The following NR3C1 variants were observed in gnomAD, a reference collection of about 807,000 sequenced individuals.
NR3C1 encodes the protein glucocorticoid receptor.
NR3C1 carries 14 observed loss-of-function variants against 74.0 expected under a neutral mutation model. The ratio of observed to expected loss-of-function variants is 0.19; its 90% CI spans 0.12 to 0.30. The LOEUF is 0.30. Among genes scored for constraint, NR3C1 ranks in the 10% least tolerant of loss-of-function variants. NR3C1 has a pLI of 1.00. For missense variants in NR3C1, 695 were observed against 909.8 expected (o/e 0.76, Z 3.04); for synonymous variants, 308 against 332.5 (o/e 0.93, Z 0.80).
intron 6 of NR3C1, among the ~76,000 whole-genome samples, chr5:143,296,835 G>A (rs1817363728): frequency 6.6e-6 from 1 of 152,198 alleles, no homozygotes; most frequent in South Asian, 2.1e-4. Flanking sequence ...CCAGCACTTT[G>A]GGAGGCCAAA....
intron 2 of NR3C1, among the ~76,000 whole-genome samples, chr5:143,315,003 A>G (rs1348591189): frequency 2.0e-5 from 3 of 152,186 alleles, no homozygotes; most frequent in African/African-American, 7.2e-5. Flanking sequence ...GTCTCACCAC[A>G]AAGAGTGCAG....
In NR3C1 at chr5:143,310,226, A is replaced by AT; in HGVS notation, c.1352-14_1352-13insA. 1 of 1,563,764 alleles carries AT rather than the reference A, an allele frequency of 6.4e-7. No individual in the cohort carries two copies. Among genetic ancestry groups the AT allele is most frequent in the Non-Finnish European group, 8.8e-7 (1 of 1,135,606 alleles). Reference sequence around the variant, plus strand: ...TAATTGTGCTGTCCTATATGGAATAAAAGGCACTATTAAAGTTTCACAGGT... The same window carrying AT: ...TAATTGTGCTGTCCTATATGGAATAATAAGGCACTATTAAAGTTTCACAGGT... On this transcript the variant is annotated splice_polypyrimidine_tract_variant and intron_variant, in intron 3 of 8. Transcript: ENST00000394464.
At chr5:143,396,452 TAA>T (rs1368744221) in intron 2 of NR3C1, among the ~76,000 whole-genome samples, 1 of 151,608 alleles carries the variant, frequency 6.6e-6, no homozygotes, top group African/African-American at 2.4e-5. Flanking sequence ...AGGTAGGAAG[TAA>T]AGAAAGTATC....
chr5:143,284,300 ATCTTTCCTGCTC>A (rs1303206918), intron 7 of NR3C1, among the ~76,000 whole-genome samples: 58 of 152,252 alleles, frequency 3.8e-4, no homozygotes, highest in African/African-American at 1.3e-3. Context: ...CTCCTTGAGC[ATCTTTCCTGCTC>A]TTTTTCATTG....
chr5:143,414,192 T>C (rs1490096771), intron 1 of NR3C1, among the ~76,000 whole-genome samples: 2 of 152,188 alleles, frequency 1.3e-5, no homozygotes, highest in Non-Finnish European at 2.9e-5. Context: ...TTGGGCCTTT[T>C]TTGGGTGATG....
chr5:143,281,675 A>T lies in NR3C1; in HGVS notation c.*214T>A. 1 of 537,760 alleles carries T rather than the reference A, an allele frequency of 1.9e-6. No homozygotes were observed. Among genetic ancestry groups the T allele is most frequent in the Non-Finnish European group, 3.3e-6 (1 of 300,550 alleles). The allele number at this position is 537,760 out of a possible 1,614,324, so 33.3% of individuals were successfully genotyped here. A position where few individuals can be genotyped will look rare whatever the true frequency, so the allele number is the denominator to read the frequency against. ...TATTAACTAATAAATTTCACCATCT[A>T]CTCTCCCATCACTGAAAAGTGATGA... On this transcript the variant is annotated 3_prime_UTR_variant, in exon 9 of 9. Coordinates refer to ENST00000394464, the MANE Select transcript of NR3C1 (RefSeq NM_000176.3).
rs1420140894 is a variant in NR3C1, at chr5:143,381,007, T to A, written c.1184+18649A>T. Among the ~76,000 whole-genome samples, 4 of 152,270 alleles carry A rather than the reference T, an allele frequency of 2.6e-5. No individual in the cohort carries two copies. In the East Asian group the frequency reaches 7.7e-4, roughly 29 times the overall value. On this transcript the variant is annotated intron_variant, in intron 2 of 8. Transcript: ENST00000394464. ...CAAAATGGAATGGAAGAAGTCAAAT[T>A]ATTCTTGTTTGCAGACTGTATGATC...
Position 143,314,111 on chromosome 5 carries a change from T to C in NR3C1, c.1242A>G (p.Thr414=), listed in dbSNP as rs67902340. The C allele has an allele frequency of 7.8e-4, 1,260 of 1,613,800 alleles. 17 individuals are homozygous for C. In the East Asian group the frequency reaches 0.019, roughly 25 times the overall value. Residue 414 remains threonine (T), a synonymous_variant, in exon 3 of 9, where the codon ACA becomes ACG. Transcript: ENST00000394464. ...CCAGGCAGAGTTTGGGAGGTGGTCCTGTTGTTGCTGTTGAGGAGCTGGATG... is the reference window on the plus strand; with the variant it reads ...CCAGGCAGAGTTTGGGAGGTGGTCCCGTTGTTGCTGTTGAGGAGCTGGATG... The part of the protein sequence containing the change: ...SPPSSSSTAT[T]GPPPKLCLVC...
chr5:143,404,592 C>A, upstream of NR3C1: 1 of 892,382 alleles, frequency 1.1e-6, no homozygotes, highest in Non-Finnish European at 1.3e-6. Context: ...AAGTTCAACC[C>A]CCACCCCTCC....
chr5:143,433,469 TA>T (rs1339041648), intron 1 of NR3C1, among the ~76,000 whole-genome samples: 2 of 132,896 alleles, frequency 1.5e-5, no homozygotes, highest in East Asian at 2.1e-4. Context: ...TATATATATA[TA>T]TTTAATTTCA....
At chr5:143,326,618 A>G (rs1426959778) in intron 2 of NR3C1, among the ~76,000 whole-genome samples, 3 of 152,182 alleles carry the variant, frequency 2.0e-5, no homozygotes, top group Admixed American at 2.0e-4. Context: ...GTACATTGTT[A>G]TATGTCTGAC....
intron 2 of NR3C1, among the ~76,000 whole-genome samples, chr5:143,346,953 C>T (rs1420762518): frequency 6.6e-6 from 1 of 152,192 alleles, no homozygotes; most frequent in Non-Finnish European, 1.5e-5. Flanking sequence ...AAAGCAGCAA[C>T]ATGTGTGCTC....
exon 1 of NR3C1, chr5:143,434,535 C>T (rs1600697405): frequency 1.0e-6 from 1 of 985,366 alleles, no homozygotes; most frequent in African/African-American, 1.7e-5. Flanking sequence ...AACCTACCTT[C>T]CTTCTCAGAC....
At chr5:143,337,884 T>A (rs1328507074) in intron 2 of NR3C1, among the ~76,000 whole-genome samples, 1 of 152,226 alleles carries the variant, frequency 6.6e-6, no homozygotes, top group Non-Finnish European at 1.5e-5. Context: ...GGGCAGTGGT[T>A]ACCTCTGGGG....
intron 3 of NR3C1, among the ~76,000 whole-genome samples, chr5:143,311,095 A>G (rs1385446424): frequency 1.3e-5 from 2 of 152,224 alleles, no homozygotes; most frequent in Non-Finnish European, 1.5e-5. Flanking sequence ...CCAATGCCAA[A>G]TATCTGTACC....
intron 2 of NR3C1, among the ~76,000 whole-genome samples, chr5:143,373,366 T>G (rs1027794413): frequency 1.3e-5 from 2 of 148,440 alleles, no homozygotes; most frequent in Admixed American, 6.8e-5. Flanking sequence ...TTAAAAGGCT[T>G]AACAAAGATC....
At chr5:143,378,248 C>T (rs1835572504) in intron 2 of NR3C1, among the ~76,000 whole-genome samples, 1 of 151,990 alleles carries the variant, frequency 6.6e-6, no homozygotes, top group African/African-American at 2.4e-5. Context: ...GAGACCCTGT[C>T]TCTTAAAAAA....
intron 4 of NR3C1, among the ~76,000 whole-genome samples, chr5:143,307,029 T>A (rs1180964174): frequency 1.3e-5 from 2 of 151,860 alleles, no homozygotes; most frequent in African/African-American, 4.8e-5. Context: ...CCCGAGTAGC[T>A]GGGACTACAG....
chr5:143,403,931 C>T (rs1005328843), upstream of NR3C1: 20 of 984,342 alleles, frequency 2.0e-5, no homozygotes, highest in Non-Finnish European at 1.8e-5. Context: ...GCGCTTCGCC[C>T]CCCGCCCCCA....
Sources: allele counts gnomAD v4.1 joint callset (sites outside exome capture counted in the v4.1 genomes callset), GRCh38; gene constraint gnomAD v4.1.1; transcripts MANE v1.5; gene names NCBI Gene and HGNC (gene_info 2026-07-23, HGNC 2026-07-21).